Variants in SLC4A5 observed in about 807,000 individuals in gnomAD.
SLC4A5 encodes the protein solute carrier family 4 member 5.
A neutral mutation model predicts 120.4 loss-of-function variants in SLC4A5; 96 were observed. That is an observed-to-expected ratio of 0.80 (90% CI 0.68 to 0.94). The LOEUF (loss-of-function observed/expected upper bound fraction) is 0.94. SLC4A5 is among the 40% of genes least tolerant of loss of function. The pLI, the probability that SLC4A5 is intolerant of heterozygous loss-of-function variation, is 0.00. For synonymous variants in SLC4A5, 550 were observed against 571.1 expected, an observed-to-expected ratio of 0.96 and a Z score of 0.53; for missense variants, 1,259 against 1,459.5, an observed-to-expected ratio of 0.86 and a Z score of 2.24.
rs546166693 is a variant in SLC4A5 at position 74,322,308 on chromosome 2, T to C, written c.-3+5812A>G. Reference sequence around the variant, plus strand: ...GGACAGTTGAAATTAATGAACTAGATTTTTATGTATTAACATGTATAAATC... The same window carrying C: ...GGACAGTTGAAATTAATGAACTAGACTTTTATGTATTAACATGTATAAATC... On this transcript the variant is annotated intron_variant, in intron 5 of 30. Coordinates refer to ENST00000394019, the Ensembl canonical transcript of SLC4A5. 6.6e-5 allele frequency among the ~76,000 whole-genome samples: 10 copies of C among 152,302 alleles called. No homozygotes were observed. In the South Asian group the frequency reaches 2.1e-3, roughly 32 times the overall value.
intron 5 of SLC4A5, among the ~76,000 whole-genome samples, chr2:74,320,553 A>C (rs1437659509): frequency 5.3e-5 from 8 of 152,214 alleles, no homozygotes; most frequent in Non-Finnish European, 5.9e-5. Flanking sequence ...CAATCAAGCT[A>C]TCAATCAAGT....
chr2:74,261,329 G>T (rs958283043), intron 11 of SLC4A5, among the ~76,000 whole-genome samples: 1 of 152,156 alleles, frequency 6.6e-6, no homozygotes, highest in Non-Finnish European at 1.5e-5. Flanking sequence ...TAACAAAGCT[G>T]GGGAGACTAA....
intron 6 of SLC4A5, among the ~76,000 whole-genome samples, chr2:74,313,398 G>A (rs1024340845): frequency 1.3e-5 from 2 of 152,144 alleles, no homozygotes; most frequent in African/African-American, 4.8e-5. Flanking sequence ...AGTTGAATAT[G>A]CTTTAGAGAG....
At chr2:74,293,273 AGAG>A (rs201876901) in intron 7 of SLC4A5, among the ~76,000 whole-genome samples, 1 of 152,168 alleles carries the variant, frequency 6.6e-6, no homozygotes, top group East Asian at 1.9e-4. Context: ...TGAGAGAGGA[AGAG>A]GAGAGAATCT....
At position 74,324,262 on chromosome 2, in the gene SLC4A5, TTC is replaced by T. The variant is rs1673164937; in HGVS notation, c.-3+3856_-3+3857del. Among the ~76,000 whole-genome samples, 6 of 152,174 alleles carry T rather than the reference TTC, an allele frequency of 3.9e-5. No individual in the cohort carries two copies. The South Asian group carries it at 1.2e-3, about 32-fold the overall frequency. On this transcript the variant is annotated intron_variant, in intron 5 of 30. Coordinates refer to ENST00000394019, the Ensembl canonical transcript of SLC4A5. ...GCATCATAATACCTAGAAGGCTGCT[TTC>T]TGTTTGTTTTCTTGGAGTTGGGGTC...
chr2:74,307,795 G>A (rs1672691330), intron 6 of SLC4A5: 2 of 482,186 alleles, frequency 4.1e-6, no homozygotes, highest in African/African-American at 5.7e-5. Context: ...TCTCATTCTG[G>A]CCAGACCCCC....
At chr2:74,266,103 T>C (rs1671293679) in intron 8 of SLC4A5, among the ~76,000 whole-genome samples, 2 of 152,112 alleles carry the variant, frequency 1.3e-5, no homozygotes, top group South Asian at 4.1e-4. Context: ...TGTAGGAGAA[T>C]GGTGAGGAAA....
intron 8 of SLC4A5, among the ~76,000 whole-genome samples, chr2:74,277,480 C>T (rs1376719987): frequency 2.0e-5 from 3 of 152,042 alleles, no homozygotes; most frequent in East Asian, 1.9e-4. Context: ...ACCCAGGAGG[C>T]GTAGGTTGCA....
chr2:74,255,101 A>G lies in SLC4A5; in HGVS notation c.1026-395T>C, dbSNP rs1670920532. ...CTCCCAGAGTGCTGGGATTAGAGGA[A>G]TGAGCCACTGCGCTGGGCCCATTCT... On this transcript the variant is annotated intron_variant, in intron 13 of 30. Coordinates refer to ENST00000394019, the Ensembl canonical transcript of SLC4A5. The surrounding 1 kb of genome is among the most constrained non-coding windows in gnomAD (Gnocchi z 4.0). Among the ~76,000 whole-genome samples the G allele has an allele frequency of 1.3e-5, 2 of 151,756 alleles. No individual in the cohort carries two copies. The highest frequency in any genetic ancestry group is 2.1e-4 in the South Asian group (1 of 4,806).
chr2:74,231,859 G>A (rs1029707790), intron 24 of SLC4A5, among the ~76,000 whole-genome samples: 6 of 152,310 alleles, frequency 3.9e-5, no homozygotes, highest in East Asian at 3.9e-4. Context: ...CAGGCTGGGC[G>A]GTCCAAGTAT....
At chr2:74,232,643 G>A in exon 24 of SLC4A5, 1 of 1,612,802 alleles carries the variant, frequency 6.2e-7, no homozygotes, top group Non-Finnish European at 8.5e-7. Flanking sequence ...GTAGCCGGCA[G>A]CCTTCTGCAG....
chr2:74,302,244 C>T (rs1000813908), intron 7 of SLC4A5, among the ~76,000 whole-genome samples: 5 of 152,138 alleles, frequency 3.3e-5, no homozygotes, highest in South Asian at 2.1e-4. Context: ...ACAGCCCTGT[C>T]GGGAACAAGC....
chr2:74,289,861 T>C (rs2104193476), intron 7 of SLC4A5, among the ~76,000 whole-genome samples: 1 of 152,254 alleles, frequency 6.6e-6, no homozygotes, highest in African/African-American at 2.4e-5. Context: ...GAGGATGGCA[T>C]GAAAAAGAAA....
chr2:74,338,261 T>C (rs1444800457), intron 3 of SLC4A5, among the ~76,000 whole-genome samples: 3 of 152,154 alleles, frequency 2.0e-5, no homozygotes, highest in Non-Finnish European at 4.4e-5. Flanking sequence ...GGGAGACACA[T>C]GGATGGGGGT....
At chr2:74,317,827 C>A (rs115745703) in intron 5 of SLC4A5, among the ~76,000 whole-genome samples, 113 of 152,334 alleles carry the variant, frequency 7.4e-4, no homozygotes, top group African/African-American at 2.5e-3. Flanking sequence ...GCAAGGGCTG[C>A]ATCCAATTGC....
intron 8 of SLC4A5, 121 bp downstream of exon 8, chr2:74,285,652 A>T: frequency 8.6e-7 from 1 of 1,165,672 alleles, no homozygotes; most frequent in African/African-American, 1.6e-5. Context: ...GGCAGCTGGG[A>T]GGGTCTTTGT....
intron 5 of SLC4A5, among the ~76,000 whole-genome samples, chr2:74,325,984 AAAGATGT>A (rs1208395966): frequency 6.6e-6 from 1 of 151,846 alleles, no homozygotes; most frequent in African/African-American, 2.4e-5. Context: ...AAAGAGAAAT[AAAGATGT>A]GAGAAACAGA....
chr2:74,238,249 A>G (rs1670333040), intron 21 of SLC4A5, among the ~76,000 whole-genome samples: 1 of 152,156 alleles, frequency 6.6e-6, no homozygotes, highest in South Asian at 2.1e-4. Flanking sequence ...GAGAAAGAAG[A>G]CCAAAATAAA....
chr2:74,321,284 C>T (rs1215657920), intron 5 of SLC4A5, among the ~76,000 whole-genome samples: 1 of 152,156 alleles, frequency 6.6e-6, no homozygotes, highest in Non-Finnish European at 1.5e-5. Context: ...GAAACACTTC[C>T]CTCAGACACC....
Sources: gnomAD v4.1 joint callset for allele counts (sites outside exome capture counted in the v4.1 genomes callset) on GRCh38, gnomAD v4.1.1 for gene constraint, Gnocchi (gnomAD v3.1) non-coding constraint, MANE v1.5 for transcripts, NCBI Gene and HGNC (gene_info 2026-07-23, HGNC 2026-07-21) for gene names.